The following UNC5C variants were observed in gnomAD, a reference collection of about 807,000 sequenced individuals.
UNC5C encodes the protein unc-5 netrin receptor C, also known as netrin receptor UNC5C.
Under a neutral mutation model 99.8 loss-of-function variants are expected in UNC5C, and 47 were observed. The observed-to-expected ratio is 0.47, with a 90% CI of 0.37 to 0.60. UNC5C has a LOEUF of 0.60. UNC5C is among the 20% of genes least tolerant of loss of function. The pLI, the probability that UNC5C is intolerant of heterozygous loss-of-function variation, is 0.00. For synonymous variants in UNC5C, 487 were observed against 452.2 expected (o/e 1.08, Z -0.98); for missense variants, 1,062 against 1,165.9 (o/e 0.91, Z 1.30).
intron 1 of UNC5C, among the ~76,000 whole-genome samples, chr4:95,530,189 T>A (rs1352620552): frequency 6.6e-6 from 1 of 152,222 alleles, no homozygotes; most frequent in African/African-American, 2.4e-5. Context: ...GATTCTGACA[T>A]ATAACTATTG....
At chr4:95,357,824 A>G (rs1744262541) in intron 1 of UNC5C, among the ~76,000 whole-genome samples, 1 of 152,110 alleles carries the variant, frequency 6.6e-6, no homozygotes, top group Non-Finnish European at 1.5e-5. Flanking sequence ...GACAACCACA[A>G]AAAACACTAA....
At chr4:95,505,350 C>T (rs1721888680) in intron 1 of UNC5C, among the ~76,000 whole-genome samples, 1 of 152,050 alleles carries the variant, frequency 6.6e-6, no homozygotes, top group African/African-American at 2.4e-5. Flanking sequence ...GAAAAATAAA[C>T]TGTGGAAACA....
At chr4:95,334,548 C>T (rs1310928868) in intron 2 of UNC5C, among the ~76,000 whole-genome samples, 1 of 151,906 alleles carries the variant, frequency 6.6e-6, no homozygotes, top group Non-Finnish European at 1.5e-5. Context: ...AGCAAAAACA[C>T]GTATGCTACC....
intron 1 of UNC5C, among the ~76,000 whole-genome samples, chr4:95,405,300 T>A (rs1018616690): frequency 6.6e-6 from 1 of 152,172 alleles, no homozygotes; most frequent in Admixed American, 6.5e-5. Flanking sequence ...TGTGCCCATC[T>A]GCATACTCCC....
chr4:95,330,387 C>T (rs779220037), intron 2 of UNC5C, among the ~76,000 whole-genome samples: 11 of 151,952 alleles, frequency 7.2e-5, no homozygotes, highest in Non-Finnish European at 1.6e-4. Flanking sequence ...TATGTCTTTC[C>T]TTAATGTAAG....
intron 1 of UNC5C, among the ~76,000 whole-genome samples, chr4:95,516,190 T>C (rs1012505277): frequency 6.6e-6 from 1 of 152,226 alleles, no homozygotes; most frequent in African/African-American, 2.4e-5. Context: ...TAGTTAATTA[T>C]ACTGCTTGAA....
At chr4:95,414,304 G>A (rs929245424) in intron 1 of UNC5C, among the ~76,000 whole-genome samples, 7 of 151,954 alleles carry the variant, frequency 4.6e-5, no homozygotes, top group African/African-American at 1.5e-4. Flanking sequence ...TCATACTGAC[G>A]AAGAAATTAA....
At chr4:95,338,088 T>G (rs904822143) in intron 1 of UNC5C, among the ~76,000 whole-genome samples, 1 of 152,028 alleles carries the variant, frequency 6.6e-6, no homozygotes, top group East Asian at 1.9e-4. Flanking sequence ...GTGGGACAGA[T>G]ATGATAAAAT....
At chr4:95,377,960 T>C (rs1285561806) in intron 1 of UNC5C, among the ~76,000 whole-genome samples, 4 of 152,222 alleles carry the variant, frequency 2.6e-5, no homozygotes, top group East Asian at 1.9e-4. Context: ...AGAGCTCATG[T>C]GAATGGGCAC....
chr4:95,185,066 T>TTGC lies in UNC5C; in HGVS notation c.2264_2266dup (p.Ser755dup). The TTGC allele has an allele frequency of 6.2e-7, 1 of 1,611,712 alleles. No homozygotes were observed. Among genetic ancestry groups the TTGC allele is most frequent in the Non-Finnish European group, 8.5e-7 (1 of 1,179,450 alleles). On this transcript the variant is annotated inframe_insertion, in exon 13 of 16. Coordinates refer to ENST00000453304, the MANE Select transcript of UNC5C (RefSeq NM_003728.4). Reference sequence around the variant, plus strand: ...CCTTACCTGATATTTAGCCAGCAATTTGCTCTTCCAGAGGGAATGGGCGAT... The same window carrying TTGC: ...CCTTACCTGATATTTAGCCAGCAATTTGCTGCTCTTCCAGAGGGAATGGGCGAT...
intron 1 of UNC5C, among the ~76,000 whole-genome samples, chr4:95,448,228 G>GAGAGAGAGAGAGAGAGAGAC (rs1747172292): frequency 2.8e-5 from 2 of 70,944 alleles, no homozygotes; most frequent in African/African-American, 1.1e-4. Flanking sequence ...GTGTGTGTGT[G>GAGAGAGAGAGAGAGAGAGAC]AGAGAGAGAG....
intron 1 of UNC5C, among the ~76,000 whole-genome samples, chr4:95,470,296 A>T (rs1471511922): frequency 6.6e-6 from 1 of 152,152 alleles, no homozygotes; most frequent in South Asian, 2.1e-4. Flanking sequence ...TTTATTTTTT[A>T]AAAATCCAAG....
chr4:95,309,750 G>T (rs1017476756), intron 2 of UNC5C, among the ~76,000 whole-genome samples: 1 of 152,078 alleles, frequency 6.6e-6, no homozygotes, highest in African/African-American at 2.4e-5. Context: ...CTGGAAGAAT[G>T]GCTACTATCA....
chr4:95,243,955 T>A (rs1739412745), intron 6 of UNC5C, among the ~76,000 whole-genome samples: 1 of 152,204 alleles, frequency 6.6e-6, no homozygotes, highest in Non-Finnish European at 1.5e-5. Context: ...AAAATTTGTT[T>A]CATAAATAAA....
chr4:95,511,693 T>C (rs1722080026), intron 1 of UNC5C, among the ~76,000 whole-genome samples: 2 of 152,148 alleles, frequency 1.3e-5, no homozygotes, highest in South Asian at 4.1e-4. Context: ...CTAGGTCCCC[T>C]GCTAGATGCA....
At chr4:95,342,012 G>A (rs566671637) in intron 1 of UNC5C, among the ~76,000 whole-genome samples, 15 of 152,252 alleles carry the variant, frequency 9.9e-5, no homozygotes, top group East Asian at 1.9e-4. Context: ...CAGAACCTGC[G>A]TTCTATTAAG....
At chr4:95,472,031 T>C (rs1195351912) in intron 1 of UNC5C, among the ~76,000 whole-genome samples, 1 of 152,096 alleles carries the variant, frequency 6.6e-6, no homozygotes, top group Non-Finnish European at 1.5e-5. Context: ...GAACTTTTAT[T>C]TACAGGCTTA....
chr4:95,303,378 T>G (rs1275536394), intron 2 of UNC5C, among the ~76,000 whole-genome samples: 1 of 151,752 alleles, frequency 6.6e-6, no homozygotes, highest in African/African-American at 2.4e-5. Flanking sequence ...CTACAATGTT[T>G]ATAATTCTCA....
intron 1 of UNC5C, among the ~76,000 whole-genome samples, chr4:95,518,788 A>C (rs1157055461): frequency 2.0e-5 from 3 of 152,216 alleles, no homozygotes; most frequent in Non-Finnish European, 4.4e-5. Context: ...CTCTTTGATG[A>C]AGAGGTTGCT....
Sources: gnomAD v4.1 joint callset for allele counts (sites outside exome capture counted in the v4.1 genomes callset) on GRCh38, gnomAD v4.1.1 for gene constraint, MANE v1.5 for transcripts, NCBI Gene and HGNC (gene_info 2026-07-23, HGNC 2026-07-21) for gene names.